SPMIP2: variants seen among roughly 807,000 people sequenced by gnomAD.
The protein encoded by SPMIP2 is sperm microtubule inner protein 2.
At chr4:158,992,356 T>G in the SPMIP2 span, among the ~76,000 whole-genome samples, 1 of 152,266 alleles carries the variant, frequency 6.6e-6, no homozygotes, top group South Asian at 2.1e-4. Flanking sequence ...TTAAGAGTTC[T>G]GATAAGACTT....
the SPMIP2 span, among the ~76,000 whole-genome samples, chr4:158,983,455 C>T: frequency 5.9e-5 from 9 of 151,782 alleles, no homozygotes; most frequent in Middle Eastern, 3.4e-3. Flanking sequence ...AGGCTAACAG[C>T]GGATCTCTCG....
the SPMIP2 span, among the ~76,000 whole-genome samples, chr4:158,897,489 C>T: frequency 6.6e-6 from 1 of 152,176 alleles, no homozygotes; most frequent in Non-Finnish European, 1.5e-5. Context: ...TTCTCCACAT[C>T]CTCTCAAGCA....
the SPMIP2 span, among the ~76,000 whole-genome samples, chr4:158,979,100 T>G: frequency 6.6e-6 from 1 of 152,172 alleles, no homozygotes; most frequent in Non-Finnish European, 1.5e-5. Context: ...GCAGTCTGGC[T>G]AAAGTGGCTT....
At chr4:159,039,465 T>A in the SPMIP2 span, among the ~76,000 whole-genome samples, 1 of 152,272 alleles carries the variant, frequency 6.6e-6, no homozygotes, top group Middle Eastern at 3.4e-3. Flanking sequence ...TTTTCTAGTT[T>A]GGCTGACTAG....
chr4:158,910,307 C>T, the SPMIP2 span, among the ~76,000 whole-genome samples: 1 of 147,826 alleles, frequency 6.8e-6, no homozygotes, highest in Non-Finnish European at 1.5e-5. Context: ...GAGTTTTGCT[C>T]TTGTTGCCCA....
At chr4:158,993,964 C>G in the SPMIP2 span, among the ~76,000 whole-genome samples, 1 of 152,226 alleles carries the variant, frequency 6.6e-6, no homozygotes, top group Admixed American at 6.5e-5. Flanking sequence ...ATAATACCTT[C>G]CTTAACCTTT....
the SPMIP2 span, among the ~76,000 whole-genome samples, chr4:158,939,462 TC>T: frequency 2.2e-5 from 3 of 139,076 alleles, no homozygotes; most frequent in African/African-American, 9.8e-5. Context: ...GAAAATTCTT[TC>T]TTAACATACA....
chr4:159,081,637 A>T, the SPMIP2 span, among the ~76,000 whole-genome samples: 1 of 151,922 alleles, frequency 6.6e-6, no homozygotes, highest in Non-Finnish European at 1.5e-5. Flanking sequence ...GCAGTGAGCC[A>T]TGTTTGCTCT....
At chr4:159,032,643 A>G in the SPMIP2 span, among the ~76,000 whole-genome samples, 1 of 152,226 alleles carries the variant, frequency 6.6e-6, no homozygotes, top group African/African-American at 2.4e-5. Flanking sequence ...TAAGGAAAAG[A>G]GGAGATTTAT....
chr4:159,015,150 T>C, the SPMIP2 span, among the ~76,000 whole-genome samples: 3 of 152,234 alleles, frequency 2.0e-5, no homozygotes, highest in African/African-American at 7.2e-5. Context: ...AATTGGAAAC[T>C]CCCAGATTTA....
At chr4:158,946,264 CTTTCAAAAACAGTAGCT>C in the SPMIP2 span, among the ~76,000 whole-genome samples, 2 of 152,194 alleles carry the variant, frequency 1.3e-5, no homozygotes, top group African/African-American at 4.8e-5. Flanking sequence ...GCTAGCTTTT[CTTTCAAAAACAGTAGCT>C]TTTCAAAGAC....
the SPMIP2 span, among the ~76,000 whole-genome samples, chr4:158,962,911 T>C: frequency 2.0e-5 from 3 of 152,238 alleles, no homozygotes; most frequent in Non-Finnish European, 4.4e-5. Context: ...CTTCATTTTA[T>C]GCCACATTAT....
the SPMIP2 span, among the ~76,000 whole-genome samples, chr4:158,943,858 C>CTTTTT: frequency 0.011 from 1,142 of 101,836 alleles, 100 homozygotes; most frequent in African/African-American, 0.041. Flanking sequence ...TTGACATTTT[C>CTTTTT]TTTTTTTTTT....
At chr4:159,074,464 G>C in the SPMIP2 span, among the ~76,000 whole-genome samples, 30 of 152,192 alleles carry the variant, frequency 2.0e-4, 3 homozygotes, top group South Asian at 5.8e-3. Flanking sequence ...GCCACAGAGA[G>C]CCCCAAGGTT....
chr4:158,906,721 A>G, the SPMIP2 span: 1 of 152,188 alleles, frequency 6.6e-6, no homozygotes, highest in Non-Finnish European at 1.5e-5. Flanking sequence ...TAGACCAAGA[A>G]TGTTGCTGCT....
the SPMIP2 span, among the ~76,000 whole-genome samples, chr4:159,039,068 G>T: frequency 6.6e-6 from 1 of 151,992 alleles, no homozygotes; most frequent in African/African-American, 2.4e-5. Flanking sequence ...AACCTTGACT[G>T]CCCTGGGCTC....
At chr4:159,026,106 A>C in the SPMIP2 span, 1 of 235,296 alleles carries the variant, frequency 4.2e-6, no homozygotes, top group Admixed American at 5.4e-5. Context: ...TGCTCCACAC[A>C]CCCTCCTATG....
the SPMIP2 span, among the ~76,000 whole-genome samples, chr4:158,976,648 G>A: frequency 6.9e-6 from 1 of 145,494 alleles, no homozygotes; most frequent in African/African-American, 2.5e-5. Flanking sequence ...ACTGGATCAG[G>A]ATGGATAAGC....
chr4:158,973,107 G>T, the SPMIP2 span: 1 of 1,602,672 alleles, frequency 6.2e-7, no homozygotes, highest in Non-Finnish European at 8.5e-7. Flanking sequence ...CCCCAGTCTT[G>T]ATTTGTTGAT....
Sources: allele counts gnomAD v4.1 joint callset (sites outside exome capture counted in the v4.1 genomes callset), GRCh38; gene constraint gnomAD v4.1.1; transcripts MANE v1.5; gene names NCBI Gene and HGNC (gene_info 2026-07-23, HGNC 2026-07-21).